ANKS1B: variants seen among roughly 807,000 people sequenced by gnomAD.
ANKS1B encodes ankyrin repeat and sterile alpha motif domain-containing protein 1B.
In ANKS1B, 36 loss-of-function variants were observed where a neutral mutation model predicts 148.3. The observed-to-expected ratio is 0.24, with a 90% CI of 0.19 to 0.32. The LOEUF is 0.32. Among genes scored for constraint, ANKS1B ranks in the 10% least tolerant of loss-of-function variants. The pLI is 1.00. For missense variants in ANKS1B, 1,157 were observed against 1,542.6 expected (o/e 0.75, Z 4.19); for synonymous variants, 542 against 560.8 (o/e 0.97, Z 0.47).
At chr12:98,900,291 GA>G (rs1319483149) in intron 17 of ANKS1B, among the ~76,000 whole-genome samples, 1 of 152,184 alleles carries the variant, frequency 6.6e-6, no homozygotes, top group African/African-American at 2.4e-5. Flanking sequence ...TCATATTTAA[GA>G]GTATTAAAGT....
intron 1 of ANKS1B, among the ~76,000 whole-genome samples, chr12:99,921,594 C>G (rs1178611646): frequency 2.0e-5 from 3 of 152,078 alleles, no homozygotes; most frequent in Admixed American, 6.6e-5. Context: ...CCTGCTCACA[C>G]TCCCCCCAAA....
intron 1 of ANKS1B, among the ~76,000 whole-genome samples, chr12:99,983,179 C>T (rs137880937): frequency 1.3e-3 from 194 of 152,212 alleles, no homozygotes; most frequent in African/African-American, 4.4e-3. Flanking sequence ...TGGATAGCCA[C>T]GATTTTAGAA....
intron 17 of ANKS1B, among the ~76,000 whole-genome samples, chr12:98,892,103 A>C (rs2099753970): frequency 6.6e-6 from 1 of 152,212 alleles, no homozygotes; most frequent in African/African-American, 2.4e-5. Flanking sequence ...GGTTTGATGG[A>C]TATTACTATG....
intron 19 of ANKS1B, among the ~76,000 whole-genome samples, chr12:98,823,033 C>T (rs781354732): frequency 1.5e-4 from 23 of 152,132 alleles, no homozygotes; most frequent in Non-Finnish European, 3.2e-4. Context: ...ATTAACTGAC[C>T]ATATTAATAA....
rs1243396784 is a variant in ANKS1B, at chr12:99,381,082, G to A, written c.1756+18549C>T. ...CAAGAGGAGGAACACCTGGAAGCTG[G>A]AAGAGGCAAGAAAGGATTCTTTCCT... On this transcript the variant is annotated intron_variant, in intron 12 of 26. Coordinates refer to ENST00000683438, the MANE Select transcript of ANKS1B (RefSeq NM_001352186.2). 3.3e-5 allele frequency among the ~76,000 whole-genome samples: 5 copies of A among 152,168 alleles called. No individual in the cohort carries two copies. The East Asian group carries it at 9.6e-4, about 29-fold the overall frequency.
intron 17 of ANKS1B, among the ~76,000 whole-genome samples, chr12:98,887,427 C>T (rs896770953): frequency 6.6e-6 from 1 of 151,982 alleles, no homozygotes; most frequent in Non-Finnish European, 1.5e-5. Context: ...TAAAGAGGGC[C>T]CCCAAATTAT....
At chr12:99,200,386 C>T (rs1368011131) in intron 14 of ANKS1B, among the ~76,000 whole-genome samples, 3 of 152,302 alleles carry the variant, frequency 2.0e-5, no homozygotes, top group South Asian at 4.1e-4. Flanking sequence ...AATCTGCTTC[C>T]ATTTAGATAG....
At chr12:98,911,615 C>G (rs1202798538) in intron 17 of ANKS1B, among the ~76,000 whole-genome samples, 1 of 152,154 alleles carries the variant, frequency 6.6e-6, no homozygotes, top group Non-Finnish European at 1.5e-5. Flanking sequence ...GGATTCATGC[C>G]AAGTGATAAT....
At chr12:99,885,380 A>C (rs2092768697) in intron 1 of ANKS1B, among the ~76,000 whole-genome samples, 2 of 146,956 alleles carry the variant, frequency 1.4e-5, no homozygotes, top group African/African-American at 2.5e-5. Context: ...GGCTCACTGC[A>C]AGCTCTGCCT....
intron 8 of ANKS1B, among the ~76,000 whole-genome samples, chr12:99,717,896 ACT>A (rs2057550444): frequency 8.5e-6 from 1 of 117,860 alleles, no homozygotes; most frequent in Non-Finnish European, 1.7e-5. Flanking sequence ...CTTAGACAAT[ACT>A]CTTTTTTTTT....
At chr12:99,956,024 C>T (rs60630101) in intron 1 of ANKS1B, among the ~76,000 whole-genome samples, 31,681 of 151,956 alleles carry the variant, frequency 0.21, 3,525 homozygotes, top group African/African-American at 0.24. Flanking sequence ...CCTGTAGTCT[C>T]AGCACTTTGG....
chr12:99,560,870 G>A (rs555602727), intron 9 of ANKS1B, among the ~76,000 whole-genome samples: 42 of 120,854 alleles, frequency 3.5e-4, no homozygotes, highest in African/African-American at 8.6e-4. Context: ...TTTTTGAGAC[G>A]GAGTCTCACA....
intron 14 of ANKS1B, among the ~76,000 whole-genome samples, chr12:99,227,980 T>C (rs1324505810): frequency 2.6e-5 from 4 of 152,088 alleles, no homozygotes; most frequent in African/African-American, 7.2e-5. Flanking sequence ...AAGAACCTCA[T>C]TGAAATACTT....
intron 1 of ANKS1B, among the ~76,000 whole-genome samples, chr12:99,901,291 A>C (rs942905259): frequency 5.3e-5 from 8 of 152,238 alleles, no homozygotes; most frequent in South Asian, 2.1e-4. Flanking sequence ...ACATCTATTA[A>C]GTAGAAAATA....
At chr12:99,509,623 T>C (rs1468074836) in intron 9 of ANKS1B, among the ~76,000 whole-genome samples, 2 of 151,946 alleles carry the variant, frequency 1.3e-5, no homozygotes, top group African/African-American at 4.8e-5. Context: ...GGTTAGTTCA[T>C]AAGGCTTAAG....
At chr12:99,420,892 T>A (rs141816764) in intron 11 of ANKS1B, among the ~76,000 whole-genome samples, 1 of 152,174 alleles carries the variant, frequency 6.6e-6, no homozygotes, top group Admixed American at 6.5e-5. Flanking sequence ...AAAAGTACCT[T>A]TATGTTTCTA....
intron 12 of ANKS1B, among the ~76,000 whole-genome samples, chr12:99,322,685 C>A: frequency 6.6e-6 from 1 of 152,076 alleles, no homozygotes; most frequent in Middle Eastern, 3.2e-3. Flanking sequence ...TCTGAAGTCA[C>A]CCAACTTTCA....
intron 17 of ANKS1B, among the ~76,000 whole-genome samples, chr12:98,842,186 T>C (rs2099410554): frequency 6.6e-6 from 1 of 152,228 alleles, no homozygotes; most frequent in Non-Finnish European, 1.5e-5. Flanking sequence ...TCCGATCAAC[T>C]GGTGAATGGA....
intron 12 of ANKS1B, among the ~76,000 whole-genome samples, chr12:99,381,261 T>C (rs890668923): frequency 1.3e-5 from 2 of 152,192 alleles, no homozygotes; most frequent in Admixed American, 6.5e-5. Flanking sequence ...CATGTTCACT[T>C]TGAAGTACCT....
Sources: gnomAD v4.1 joint callset for allele counts (sites outside exome capture counted in the v4.1 genomes callset) on GRCh38, gnomAD v4.1.1 for gene constraint, MANE v1.5 for transcripts, NCBI Gene and HGNC (gene_info 2026-07-23, HGNC 2026-07-21) for gene names.